EFCAB11: variants seen among roughly 807,000 people sequenced by gnomAD.
EFCAB11 encodes the protein EF-hand calcium-binding domain-containing protein 11.
EFCAB11 carries 14 observed loss-of-function variants against 23.0 expected under a neutral mutation model. The observed-to-expected ratio is 0.61, with a 90% CI of 0.40 to 0.95. The LOEUF is 0.95. Among genes scored for constraint, EFCAB11 ranks in the 40% least tolerant of loss-of-function variants. The probability of loss-of-function intolerance (pLI) is 0.00; values close to 1 mark genes in which losing one functional copy is unlikely to be tolerated. For missense variants in EFCAB11, 198 were observed against 195.8 expected (o/e 1.01, Z -0.07); for synonymous variants, 65 against 66.6 (o/e 0.98, Z 0.11).
chr14:89,844,172 G>A (rs987910098), intron 5 of EFCAB11, among the ~76,000 whole-genome samples: 13 of 152,200 alleles, frequency 8.5e-5, no homozygotes, highest in African/African-American at 2.6e-4. Context: ...GTGCTTCTGC[G>A]TATAACAGAA....
intron 5 of EFCAB11, among the ~76,000 whole-genome samples, chr14:89,863,546 T>C (rs951756684): frequency 1.6e-4 from 25 of 152,224 alleles, no homozygotes; most frequent in African/African-American, 5.1e-4. Context: ...TGGCACTAGG[T>C]AGTGAATGAA....
At chr14:89,849,217 C>T (rs940438380) in intron 5 of EFCAB11, among the ~76,000 whole-genome samples, 3 of 152,306 alleles carry the variant, frequency 2.0e-5, no homozygotes, top group Middle Eastern at 3.4e-3. Context: ...AGGTCTGTGC[C>T]CAGGCAGTAC....
chr14:89,944,363 A>G (rs1316179703), intron 3 of EFCAB11, among the ~76,000 whole-genome samples: 2 of 152,150 alleles, frequency 1.3e-5, no homozygotes, highest in Non-Finnish European at 2.9e-5. Context: ...ATTATCTCCC[A>G]CTGGGTCCCT....
intron 5 of EFCAB11, among the ~76,000 whole-genome samples, chr14:89,907,551 T>C (rs1889537283): frequency 6.6e-6 from 1 of 152,214 alleles, no homozygotes; most frequent in African/African-American, 2.4e-5. Context: ...GGTCATAGAT[T>C]ATATAGCTCT....
At chr14:89,864,269 T>C (rs913109276) in intron 5 of EFCAB11, among the ~76,000 whole-genome samples, 5 of 152,194 alleles carry the variant, frequency 3.3e-5, no homozygotes, top group African/African-American at 1.2e-4. Context: ...AGTGATTATA[T>C]GAATGAGTGT....
At chr14:89,937,704 TTA>T (rs1393632388) in intron 3 of EFCAB11, among the ~76,000 whole-genome samples, 1 of 152,140 alleles carries the variant, frequency 6.6e-6, no homozygotes, top group African/African-American at 2.4e-5. Flanking sequence ...TTTTGTATTT[TTA>T]GTAGAGACGG....
intron 5 of EFCAB11, among the ~76,000 whole-genome samples, chr14:89,920,317 T>C (rs60395070): frequency 0.058 from 8,818 of 152,260 alleles, 849 homozygotes; most frequent in African/African-American, 0.2. Flanking sequence ...AACCAGTGCA[T>C]CAAGAATGCT....
At position 89,954,610 on chromosome 14, in the gene EFCAB11, G is replaced by C; in HGVS notation, c.51C>G (p.Pro17=). The change falls in exon 1 of 6, where the codon CCC becomes CCG. Residue 17 remains proline, a synonymous_variant. Coordinates refer to ENST00000316738, the MANE Select transcript of EFCAB11 (RefSeq NM_145231.4). ...CTTCCACCCACTTCCTGTGTTCCGA[G>C]GGACTGGCTTCCCACGTCCGCGACC... ...RARSRTWEAS[P]SEHRKWVEVF... 6.2e-7 allele frequency: 1 copy of C among 1,613,830 alleles called. No homozygotes were observed. The highest frequency in any genetic ancestry group is 8.5e-7 in the Non-Finnish European group (1 of 1,179,994).
chr14:89,930,383 C>G (rs749191036), intron 5 of EFCAB11, among the ~76,000 whole-genome samples: 7 of 152,210 alleles, frequency 4.6e-5, no homozygotes, highest in African/African-American at 1.4e-4. Flanking sequence ...TTCTCTCCCC[C>G]TCTTCCTTGG....
intron 5 of EFCAB11, among the ~76,000 whole-genome samples, chr14:89,858,111 T>A (rs939081296): frequency 2.6e-5 from 4 of 152,178 alleles, no homozygotes; most frequent in African/African-American, 9.6e-5. Context: ...CTGACAGCCT[T>A]TCCCCTAAAC....
At chr14:89,930,884 G>A (rs1172683498) in intron 5 of EFCAB11, among the ~76,000 whole-genome samples, 3 of 152,230 alleles carry the variant, frequency 2.0e-5, no homozygotes, top group Non-Finnish European at 2.9e-5. Flanking sequence ...GGGAGTCAGA[G>A]AAGAGACAGC....
At chr14:89,925,410 T>G (rs947359868) in intron 5 of EFCAB11, among the ~76,000 whole-genome samples, 1 of 152,208 alleles carries the variant, frequency 6.6e-6, no homozygotes, top group African/African-American at 2.4e-5. Context: ...TTTATTAGTG[T>G]TAAAGAGGAA....
chr14:89,804,443 T>C (rs1160210796), intron 5 of EFCAB11, among the ~76,000 whole-genome samples: 1 of 152,198 alleles, frequency 6.6e-6, no homozygotes, highest in Non-Finnish European at 1.5e-5. Flanking sequence ...CTGAGGTCAT[T>C]CTCTTGGCTC....
intron 5 of EFCAB11, among the ~76,000 whole-genome samples, chr14:89,872,070 T>A (rs1888289629): frequency 6.6e-6 from 1 of 152,214 alleles, no homozygotes; most frequent in African/African-American, 2.4e-5. Context: ...TTATCATCCA[T>A]CCCTTTAAGA....
At chr14:89,804,778 C>T (rs1885913392) in intron 5 of EFCAB11, among the ~76,000 whole-genome samples, 1 of 152,142 alleles carries the variant, frequency 6.6e-6, no homozygotes, top group Admixed American at 6.5e-5. Context: ...TTAAATATTG[C>T]CTTTAAGAAG....
chr14:89,865,636 G>C (rs1404779520), intron 5 of EFCAB11, among the ~76,000 whole-genome samples: 2 of 151,980 alleles, frequency 1.3e-5, no homozygotes, highest in Non-Finnish European at 2.9e-5. Context: ...AGAGTAGCTG[G>C]AACTACAGGC....
chr14:89,913,536 C>A (rs192123248), intron 5 of EFCAB11, among the ~76,000 whole-genome samples: 1 of 152,152 alleles, frequency 6.6e-6, no homozygotes, highest in Non-Finnish European at 1.5e-5. Context: ...ATTCCGTAAT[C>A]TCTAAATCTT....
At chr14:89,929,069 G>A (rs1459687671) in intron 5 of EFCAB11, among the ~76,000 whole-genome samples, 1 of 144,164 alleles carries the variant, frequency 6.9e-6, no homozygotes, top group Non-Finnish European at 1.5e-5. Context: ...TTTTTTTTAG[G>A]AGGGTCTTGC....
chr14:89,864,609 TTTG>T (rs776942822), intron 5 of EFCAB11, among the ~76,000 whole-genome samples: 1 of 152,124 alleles, frequency 6.6e-6, no homozygotes, highest in Non-Finnish European at 1.5e-5. Context: ...TGTTTTGTTT[TTTG>T]TTTTTTTGTA....
Sources: allele counts gnomAD v4.1 joint callset (sites outside exome capture counted in the v4.1 genomes callset), GRCh38; gene constraint gnomAD v4.1.1; transcripts MANE v1.5; gene names NCBI Gene and HGNC (gene_info 2026-07-23, HGNC 2026-07-21).